Variants in STAG1 observed in about 807,000 individuals in gnomAD.
The protein encoded by STAG1 is cohesin subunit SA-1.
In STAG1, 26 loss-of-function variants were observed where a neutral mutation model predicts 170.9. The ratio of observed to expected loss-of-function variants is 0.15; its 90% CI spans 0.11 to 0.21. The LOEUF (loss-of-function observed/expected upper bound fraction) is 0.21, where lower values mean the gene tolerates loss of function less well. STAG1 is among the 10% of genes least tolerant of loss of function. The pLI is 1.00. For synonymous variants in STAG1, 514 were observed against 497.7 expected, an observed-to-expected ratio of 1.03 and a Z score of -0.44; for missense variants, 964 against 1,509.5, an observed-to-expected ratio of 0.64 and a Z score of 5.99.
chr3:136,570,125 A>T (rs1937214245), intron 4 of STAG1, among the ~76,000 whole-genome samples: 1 of 152,188 alleles, frequency 6.6e-6, no homozygotes, highest in Non-Finnish European at 1.5e-5. Context: ...TTTTATAAAT[A>T]CATACACCTG....
rs965795091 is a variant in STAG1, at chr3:136,337,184, A to G, written c.*1070T>C. 1 of 152,676 alleles carries G rather than the reference A, an allele frequency of 6.5e-6. No individual in the cohort carries two copies. Among genetic ancestry groups the G allele is most frequent in the Non-Finnish European group, 1.5e-5 (1 of 68,042 alleles). 9.5% of individuals were successfully genotyped at this position (152,676 alleles called of 1,614,324 possible). A position where few individuals can be genotyped will look rare whatever the true frequency, so the allele number is the denominator to read the frequency against. Reference sequence around the variant, plus strand: ...AGACTTCTATGCAGCACATACTTCTATAATCAGTAAACTTAATTCACAAAA... The same window carrying G: ...AGACTTCTATGCAGCACATACTTCTGTAATCAGTAAACTTAATTCACAAAA... On this transcript the variant is annotated 3_prime_UTR_variant, in exon 34 of 34. Coordinates refer to ENST00000383202, the MANE Select transcript of STAG1 (RefSeq NM_005862.3).
intron 13 of STAG1, among the ~76,000 whole-genome samples, 181 bp downstream of exon 13, chr3:136,464,700 G>A (rs774814802): frequency 6.6e-6 from 1 of 152,196 alleles, no homozygotes; most frequent in African/African-American, 2.4e-5. Context: ...ACAAGGTACA[G>A]CATCCTCAAG....
chr3:136,424,325 G>A (rs918068568), intron 16 of STAG1, among the ~76,000 whole-genome samples: 1 of 144,276 alleles, frequency 6.9e-6, no homozygotes, highest in Admixed American at 6.9e-5. Flanking sequence ...TTGATGGAAC[G>A]ATCTTTTTTT....
intron 22 of STAG1, among the ~76,000 whole-genome samples, chr3:136,381,042 A>G (rs1937933039): frequency 6.6e-6 from 1 of 151,708 alleles, no homozygotes; most frequent in African/African-American, 2.4e-5. Flanking sequence ...AAAAAGAAAA[A>G]AAAAAAAAAA....
At chr3:136,703,904 C>T (rs770423645) in intron 1 of STAG1, among the ~76,000 whole-genome samples, 6 of 151,772 alleles carry the variant, frequency 4.0e-5, no homozygotes, top group Non-Finnish European at 8.8e-5. Flanking sequence ...CCCAGCTACT[C>T]AGGAGGCTGA....
intron 22 of STAG1, among the ~76,000 whole-genome samples, chr3:136,393,533 A>G (rs1218543719): frequency 6.6e-6 from 1 of 152,070 alleles, no homozygotes; most frequent in Non-Finnish European, 1.5e-5. Context: ...CAAACGAGCA[A>G]ACAAAATGTA....
intron 5 of STAG1, among the ~76,000 whole-genome samples, chr3:136,550,722 A>G (rs1936347913): frequency 6.6e-6 from 1 of 151,868 alleles, no homozygotes; most frequent in South Asian, 2.1e-4. Context: ...GTAGTCTCTT[A>G]TGATGTTTAT....
Position 136,447,596 on chromosome 3 carries a change from A to ATT in STAG1, c.1429-4194_1429-4193dup, listed in dbSNP as rs777110138. ...TCCTTATCCCTCTGAAAAGCATCAC[A>ATT]TTTTTTTTTTTTTTTTTTTTTTTTT... On this transcript the variant is annotated intron_variant, in intron 14 of 33. Coordinates refer to ENST00000383202, the MANE Select transcript of STAG1 (RefSeq NM_005862.3). 4.8e-3 allele frequency among the ~76,000 whole-genome samples: 356 copies of ATT among 74,320 alleles called. 52 individuals carry two copies. Among genetic ancestry groups the ATT allele is most frequent in the African/African-American group, 0.019 (337 of 17,876 alleles). 48.8% of individuals were successfully genotyped at this position (74,320 alleles called of 152,430 possible). A position where few individuals can be genotyped will look rare whatever the true frequency, so the allele number is the denominator to read the frequency against.
chr3:136,458,125 A>AT lies in STAG1; in HGVS notation c.1314-5979dup, dbSNP rs553495521. Among the ~76,000 whole-genome samples, 18 of 152,000 alleles carry AT rather than the reference A, an allele frequency of 1.2e-4. No individual in the cohort carries two copies. In the South Asian group the frequency reaches 3.1e-3, roughly 26 times the overall value. ...TTATTATAAGTTTAAAATAAACTGT[A>AT]TTTTTTTCTGTGTTTTTTTTCTGTT... On this transcript the variant is annotated intron_variant, in intron 13 of 33. Coordinates refer to ENST00000383202, the MANE Select transcript of STAG1 (RefSeq NM_005862.3).
Position 136,485,499 on chromosome 3 carries a change from C to G in STAG1, c.903-8087G>C, listed in dbSNP as rs534397887. 5.4e-4 allele frequency among the ~76,000 whole-genome samples: 82 copies of G among 152,122 alleles called. 1 individual carries two copies. Among genetic ancestry groups the G allele is most frequent in the African/African-American group, 1.9e-3 (77 of 41,508 alleles). Reference sequence around the variant, plus strand: ...GCTCTACTATAAACTGTGAGGTGTTCCTAGACCTACATAATACTGAACATG... The same window carrying G: ...GCTCTACTATAAACTGTGAGGTGTTGCTAGACCTACATAATACTGAACATG... On this transcript the variant is annotated intron_variant, in intron 9 of 33. Transcript: ENST00000383202.
At position 136,484,337 on chromosome 3, in the gene STAG1, G is replaced by C. The variant is rs370649999; in HGVS notation, c.903-6925C>G. 1.1e-3 allele frequency among the ~76,000 whole-genome samples: 160 copies of C among 148,958 alleles called. 2 individuals carry two copies. In the South Asian group the frequency reaches 0.022, roughly 20 times the overall value. ...TGCAGGTCTGTTGGAATACCCTGCC[G>C]TGTGAGGTGTCAGTGTGCCCCTGCT... is the stretch of plus-strand genomic sequence containing the variant. On this transcript the variant is annotated intron_variant, in intron 9 of 33. Transcript: ENST00000383202.
intron 1 of STAG1, among the ~76,000 whole-genome samples, chr3:136,639,477 T>C (rs555145899): frequency 7.2e-5 from 11 of 152,322 alleles, no homozygotes; most frequent in South Asian, 2.1e-4. Context: ...TACATACTCA[T>C]ACAAATAAGA....
intron 14 of STAG1, among the ~76,000 whole-genome samples, chr3:136,445,467 G>C (rs1374970431): frequency 2.0e-5 from 3 of 152,118 alleles, no homozygotes; most frequent in Non-Finnish European, 4.4e-5. Context: ...ATAAATTAAA[G>C]AGCTTTATTT....
chr3:136,349,569 G>A (rs1936356301), intron 28 of STAG1, among the ~76,000 whole-genome samples: 1 of 152,150 alleles, frequency 6.6e-6, no homozygotes, highest in South Asian at 2.1e-4. Flanking sequence ...TTTAAAGCAA[G>A]TGAGTGTATT....
chr3:136,716,052 G>T (rs1943533203), intron 1 of STAG1, among the ~76,000 whole-genome samples: 1 of 151,910 alleles, frequency 6.6e-6, no homozygotes, highest in African/African-American at 2.4e-5. Flanking sequence ...GAGCCACGAT[G>T]GCGCCACTGC....
At chr3:136,578,018 G>A (rs1485710520) in intron 4 of STAG1, among the ~76,000 whole-genome samples, 2 of 152,206 alleles carry the variant, frequency 1.3e-5, no homozygotes, top group Non-Finnish European at 2.9e-5. Context: ...GACTTACCAT[G>A]TGAGAACTAT....
At chr3:136,577,066 G>C (rs188516573) in intron 4 of STAG1, among the ~76,000 whole-genome samples, 44 of 152,290 alleles carry the variant, frequency 2.9e-4, no homozygotes, top group Admixed American at 1.2e-3. Context: ...TTGTGATAAA[G>C]TACCAATTCA....
intron 10 of STAG1, among the ~76,000 whole-genome samples, chr3:136,475,598 T>A (rs1311826414): frequency 6.6e-6 from 1 of 152,168 alleles, no homozygotes; most frequent in Non-Finnish European, 1.5e-5. Flanking sequence ...TGGGATTGGA[T>A]TACTGAAGGC....
In STAG1 at chr3:136,473,658, G is replaced by A. The variant is rs372446664; in HGVS notation, c.1027-21C>T. 6 of 1,578,492 alleles carry A rather than the reference G, an allele frequency of 3.8e-6. No individual in the cohort carries two copies. The African/African-American group carries it at 8.1e-5, about 21-fold the overall frequency. ...CCTTGCTTCAGAAATACAAATAAAAGCACAACAGAAGGAGTCAATTCCATA... is the reference window on the plus strand; with the variant it reads ...CCTTGCTTCAGAAATACAAATAAAAACACAACAGAAGGAGTCAATTCCATA... On this transcript the variant is annotated intron_variant, in intron 10 of 33. Coordinates refer to ENST00000383202, the MANE Select transcript of STAG1 (RefSeq NM_005862.3).
Sources: allele counts gnomAD v4.1 joint callset (sites outside exome capture counted in the v4.1 genomes callset), GRCh38; gene constraint gnomAD v4.1.1; transcripts MANE v1.5; gene names NCBI Gene and HGNC (gene_info 2026-07-23, HGNC 2026-07-21).